GPSM2: variants seen among roughly 807,000 people sequenced by gnomAD.
GPSM2 encodes the protein G protein signaling modulator 2.
In GPSM2, 58 loss-of-function variants were observed where a neutral mutation model predicts 78.4. The ratio of observed to expected loss-of-function variants is 0.74; its 90% CI spans 0.60 to 0.92. GPSM2 has a LOEUF of 0.92. Among genes scored for constraint, GPSM2 ranks in the 40% least tolerant of loss-of-function variants. GPSM2 has a pLI of 0.00. For synonymous variants in GPSM2, 224 were observed against 280.2 expected, an observed-to-expected ratio of 0.80 and a Z score of 2.00; for missense variants, 700 against 815.5, an observed-to-expected ratio of 0.86 and a Z score of 1.73.
At chr1:108,916,892 A>G (rs577642805) in intron 11 of GPSM2, among the ~76,000 whole-genome samples, 4 of 152,320 alleles carry the variant, frequency 2.6e-5, no homozygotes, top group African/African-American at 7.2e-5. Flanking sequence ...TTCCTGGGAG[A>G]GTGTGCAGTG....
intron 2 of GPSM2, among the ~76,000 whole-genome samples, 183 bp downstream of exon 2, chr1:108,885,761 A>C (rs1232572831): frequency 6.6e-6 from 1 of 152,174 alleles, no homozygotes; most frequent in Non-Finnish European, 1.5e-5. Flanking sequence ...AGTAGAGACC[A>C]ATTATGTACT....
Position 108,885,381 on chromosome 1 carries a change from A to G in GPSM2, c.-142A>G. On this transcript the variant is annotated 5_prime_UTR_variant, in exon 2 of 15. Coordinates refer to ENST00000264126, the MANE Select transcript of GPSM2 (RefSeq NM_013296.5). ...GACCTCCTTTCATTATTAATAAAGA[A>G]GAATCAGGAGCTTAGGATGTATTAA... 1.9e-6 allele frequency: 1 copy of G among 537,336 alleles called. No homozygotes were observed. The highest frequency in any genetic ancestry group is 2.9e-5 in the South Asian group (1 of 34,664). 33.3% of individuals were successfully genotyped at this position (537,336 alleles called of 1,614,324 possible).
At chr1:108,898,561 TA>T in intron 5 of GPSM2, 80 bp from the exon 6 acceptor site, 1 of 1,341,190 alleles carries the variant, frequency 7.5e-7, no homozygotes, top group Non-Finnish European at 1.1e-6. Context: ...TTTTTTCTGA[TA>T]AAAAGAATTA....
chr1:108,926,999 G>A (rs1651160715), intron 14 of GPSM2: 1 of 152,182 alleles, frequency 6.6e-6, no homozygotes, highest in African/African-American at 2.4e-5. Flanking sequence ...AAAATCAGTT[G>A]TGTGTTTATA....
At chr1:108,912,715 G>A (rs1649852722) in intron 10 of GPSM2, among the ~76,000 whole-genome samples, 2 of 151,968 alleles carry the variant, frequency 1.3e-5, no homozygotes, top group African/African-American at 4.8e-5. Context: ...CTGCACTCCA[G>A]CCTGGGCAAC....
chr1:108,878,663 C>T (rs1333748338), intron 1 of GPSM2, among the ~76,000 whole-genome samples: 1 of 152,190 alleles, frequency 6.6e-6, no homozygotes, highest in African/African-American at 2.4e-5. Context: ...GAAAATCTGA[C>T]ATAGATTTAG....
chr1:108,897,723 T>A, intron 4 of GPSM2, 96 bp downstream of exon 4: 2 of 1,165,458 alleles, frequency 1.7e-6, no homozygotes, highest in Admixed American at 2.5e-5. Context: ...ATTTTAAAAT[T>A]AATACCAAAA....
In GPSM2 at chr1:108,924,323, T is replaced by C. The variant is rs1238968286; in HGVS notation, c.1815+109T>C. The C allele has an allele frequency of 5.3e-6, 4 of 761,102 alleles. No homozygotes were observed. In the East Asian group the frequency reaches 8.0e-5, roughly 15 times the overall value. The allele number at this position is 761,102 out of a possible 1,614,324, so 47.1% of individuals were successfully genotyped here. On this transcript the variant is annotated intron_variant, in intron 14 of 14. Transcript: ENST00000264126. ...GGGCTTATTTTGTATTAGAGAGTTATTATTGTCCATCATTCAGTAAAAAAT... is the reference window on the plus strand; with the variant it reads ...GGGCTTATTTTGTATTAGAGAGTTACTATTGTCCATCATTCAGTAAAAAAT...
intron 12 of GPSM2, among the ~76,000 whole-genome samples, chr1:108,921,256 T>TA (rs1456956510): frequency 6.6e-6 from 1 of 151,746 alleles, no homozygotes; most frequent in Non-Finnish European, 1.5e-5. Context: ...CCTGACTGTA[T>TA]AAAAAATACA....
At position 108,922,435 on chromosome 1, in the gene GPSM2, A is replaced by G. The variant is rs781218313; in HGVS notation, c.1459A>G (p.Ile487Val). ...ATTTTAGAAAATCAGTGCAGATACT[A>G]TTGGAGATGAAGGGTTCTTTGACTT... The part of the protein sequence containing the change: ...NSQRKISADT[I>V]GDEGFFDLLS... Residue 487 changes from isoleucine to valine, a missense_variant, in exon 13 of 15, where the codon ATT (isoleucine) becomes GTT (valine). Ile to Val is a conservative substitution (Grantham distance 29). Transcript: ENST00000264126. The G allele has an allele frequency of 6.2e-7, 1 of 1,610,028 alleles. No homozygotes were observed. The highest frequency in any genetic ancestry group is 1.1e-5 in the South Asian group (1 of 90,984).
intron 13 of GPSM2, among the ~76,000 whole-genome samples, chr1:108,923,716 T>C (rs1283692661): frequency 6.6e-6 from 1 of 152,214 alleles, no homozygotes. Flanking sequence ...ACATATCTTA[T>C]AGTTACATTT....
intron 11 of GPSM2, among the ~76,000 whole-genome samples, chr1:108,915,100 C>T (rs1245622074): frequency 1.3e-5 from 2 of 152,018 alleles, no homozygotes; most frequent in Non-Finnish European, 2.9e-5. Flanking sequence ...CGGCCGGGCA[C>T]GGTGGCTCGC....
At chr1:108,917,108 T>C (rs1475666641) in intron 11 of GPSM2, among the ~76,000 whole-genome samples, 1 of 152,220 alleles carries the variant, frequency 6.6e-6, no homozygotes, top group Non-Finnish European at 1.5e-5. Context: ...ATTTTTAATT[T>C]TTCTTCTTGG....
At chr1:108,896,064 G>T (rs916566384) in intron 2 of GPSM2, among the ~76,000 whole-genome samples, 4 of 152,154 alleles carry the variant, frequency 2.6e-5, no homozygotes, top group African/African-American at 9.7e-5. Flanking sequence ...AGATGCTGAA[G>T]AAACACAATG....
At chr1:108,909,358 TCAA>T in intron 10 of GPSM2, among the ~76,000 whole-genome samples, 1 of 152,298 alleles carries the variant, frequency 6.6e-6, no homozygotes, top group Middle Eastern at 3.4e-3. Context: ...AAAGCAAATC[TCAA>T]CAAATTTAAA....
rs1349786125 is a variant in GPSM2 at position 108,931,819 on chromosome 1, T to C, written c.*1879T>C. 5.6e-6 allele frequency: 1 copy of C among 179,738 alleles called. No individual in the cohort carries two copies. The highest frequency in any genetic ancestry group is 1.2e-5 in the Non-Finnish European group (1 of 85,618). The allele number at this position is 179,738 out of a possible 1,614,324, so 11.1% of individuals were successfully genotyped here. A position where few individuals can be genotyped will look rare whatever the true frequency, so the allele number is the denominator to read the frequency against. On this transcript the variant is annotated 3_prime_UTR_variant, in exon 15 of 15. Coordinates refer to ENST00000264126, the MANE Select transcript of GPSM2 (RefSeq NM_013296.5). ...TTGTGTATACAAACTTTTTGTATTA[T>C]TTGTACACAAAGTACAAATTTGTAT...
At chr1:108,883,302 G>T (rs1364151822) in intron 1 of GPSM2, among the ~76,000 whole-genome samples, 1 of 152,168 alleles carries the variant, frequency 6.6e-6, no homozygotes, top group African/African-American at 2.4e-5. Flanking sequence ...TAACAGAGCA[G>T]TGAGTATTCA....
intron 2 of GPSM2, among the ~76,000 whole-genome samples, chr1:108,890,287 T>C (rs554017487): frequency 6.6e-6 from 1 of 152,368 alleles, no homozygotes; most frequent in South Asian, 2.1e-4. Context: ...CATATTGAAC[T>C]TCAATGGAAT....
intron 11 of GPSM2, among the ~76,000 whole-genome samples, chr1:108,915,941 C>G (rs1650186355): frequency 6.6e-6 from 1 of 151,852 alleles, no homozygotes; most frequent in South Asian, 2.1e-4. Flanking sequence ...ATGTGGTGAT[C>G]TATCAAGAAC....
Sources: allele counts gnomAD v4.1 joint callset (sites outside exome capture counted in the v4.1 genomes callset), GRCh38; gene constraint gnomAD v4.1.1; transcripts MANE v1.5; gene names NCBI Gene and HGNC (gene_info 2026-07-23, HGNC 2026-07-21).